The following TCERG1 variants were observed in gnomAD, a reference collection of about 807,000 sequenced individuals.
TCERG1 encodes the protein transcription elongation regulator 1.
A neutral mutation model predicts 144.7 loss-of-function variants in TCERG1; 37 were observed. The observed-to-expected ratio is 0.26, with a 90% confidence interval of 0.20 to 0.34. The LOEUF (loss-of-function observed/expected upper bound fraction) is 0.34, where lower values mean the gene tolerates loss of function less well. Ranked by LOEUF, TCERG1 falls within the 10% of genes least tolerant of loss-of-function variation. The pLI is 1.00. For missense variants in TCERG1, 1,027 were observed against 1,380.7 expected, an observed-to-expected ratio of 0.74 and a Z score of 4.06; for synonymous variants, 492 against 458.2, an observed-to-expected ratio of 1.07 and a Z score of -0.94.
chr5:146,484,023 T>C (rs1220003980), intron 15 of TCERG1, among the ~76,000 whole-genome samples: 1 of 152,162 alleles, frequency 6.6e-6, no homozygotes, highest in African/African-American at 2.4e-5. Context: ...CTAATAGATA[T>C]GACTACCGTT....
intron 16 of TCERG1, among the ~76,000 whole-genome samples, chr5:146,498,007 C>G (rs1352108342): frequency 2.0e-5 from 3 of 152,198 alleles, no homozygotes; most frequent in African/African-American, 7.2e-5. Context: ...TTTGCTTCCT[C>G]CAGTTCATTA....
intron 17 of TCERG1, 71 bp downstream of exon 17, chr5:146,498,757 G>A: frequency 6.8e-7 from 1 of 1,463,892 alleles, no homozygotes; most frequent in Non-Finnish European, 9.1e-7. Context: ...CTGGTGTTAT[G>A]TTTCTAACCT....
chr5:146,457,840 A>G (rs1762962069), intron 3 of TCERG1, among the ~76,000 whole-genome samples: 1 of 152,014 alleles, frequency 6.6e-6, no homozygotes, highest in Non-Finnish European at 1.5e-5. Flanking sequence ...GGAATTACCT[A>G]TTTTTGTTGT....
chr5:146,482,685 G>A lies in TCERG1; in HGVS notation c.2031G>A (p.Glu677=). The part of the protein sequence containing the change: ...AARERAIVPL[E]ARMKQFKDML... ...GAGAAAGGGCCATTGTCCCTCTGGA[G>A]GCTCGAATGAAGCAGTTCAAGGACA... is the stretch of plus-strand genomic sequence containing the variant. Residue 677 remains glutamate (E), a synonymous_variant, in exon 14 of 23, where the codon GAG becomes GAA. Coordinates refer to ENST00000679501, the MANE Select transcript of TCERG1 (RefSeq NM_001382548.1). 1 of 1,613,318 alleles carries A rather than the reference G, an allele frequency of 6.2e-7. No homozygotes were observed. Among genetic ancestry groups the A allele is most frequent in the Non-Finnish European group, 8.5e-7 (1 of 1,179,530 alleles).
chr5:146,457,270 C>T lies in TCERG1; in HGVS notation c.373C>T (p.Pro125Ser), dbSNP rs772195811. Residue 125 changes from proline (P) to serine (S), a missense_variant, in exon 3 of 23, where the codon CCT becomes TCT. Physicochemically the swap from Pro to Ser is moderately conservative, Grantham distance 74. Around this residue, in one of 6 missense-constraint regions of TCERG1, gnomAD observed 175 missense variants for 197.0 expected, o/e 0.89. Transcript: ENST00000679501. ...ACCAGGAATGCCTCCTGTGACTGCT[C>T]CTGGTACTCCAGCACTACCTCCTAC... ...FPPGMPPVTA[P>S]GTPALPPTEE... The T allele has an allele frequency of 6.2e-7, 1 of 1,614,004 alleles. No homozygotes were observed. The highest frequency in any genetic ancestry group is 8.5e-7 in the Non-Finnish European group (1 of 1,179,984).
intron 11 of TCERG1, 56 bp downstream of exon 11, chr5:146,479,967 T>G: frequency 1.2e-6 from 2 of 1,604,676 alleles, no homozygotes; most frequent in Non-Finnish European, 1.7e-6. Context: ...AAGCAAGTGT[T>G]CTGGTAGTGA....
chr5:146,459,168 T>TCAGGTCCAGGCC lies in TCERG1; in HGVS notation c.735_746dup (p.Val251_Gln254dup). On this transcript the variant is annotated inframe_insertion, in exon 4 of 23. Coordinates refer to ENST00000679501, the MANE Select transcript of TCERG1 (RefSeq NM_001382548.1). ...CACAAGCTCAGGCCCAGGCCCAGGC[T>TCAGGTCCAGGCC]CAGGTCCAGGCCCAGGTCCAGGCAC... The TCAGGTCCAGGCC allele has an allele frequency of 3.8e-5, 62 of 1,611,464 alleles. No individual in the cohort carries two copies. Among genetic ancestry groups the TCAGGTCCAGGCC allele is most frequent in the African/African-American group, 5.4e-5 (4 of 74,424 alleles).
Position 146,510,817 on chromosome 5 carries a change from T to G in TCERG1, c.*175T>G. The G allele has an allele frequency of 1.8e-6, 1 of 540,558 alleles. No homozygotes were observed. Among genetic ancestry groups the G allele is most frequent in the South Asian group, 3.8e-5 (1 of 26,454 alleles). The allele number at this position is 540,558 out of a possible 1,614,324, so 33.5% of individuals were successfully genotyped here. A position where few individuals can be genotyped will look rare whatever the true frequency, so the allele number is the denominator to read the frequency against. ...ACTTTGGAAATATTTATGCTTTTCT[T>G]TGTGTGGCATGACTGACATACATAC... On this transcript the variant is annotated 3_prime_UTR_variant, in exon 23 of 23. Transcript: ENST00000679501.
At chr5:146,488,024 T>A (rs1303836162) in intron 15 of TCERG1, among the ~76,000 whole-genome samples, 1 of 152,152 alleles carries the variant, frequency 6.6e-6, no homozygotes, top group Non-Finnish European at 1.5e-5. Flanking sequence ...CAATAAATGA[T>A]GCTGGGAAAA....
intron 15 of TCERG1, among the ~76,000 whole-genome samples, chr5:146,490,376 A>C (rs1266002724): frequency 6.6e-6 from 1 of 152,170 alleles, no homozygotes; most frequent in Non-Finnish European, 1.5e-5. Flanking sequence ...CCTACATAGT[A>C]AGTCTTTTCC....
intron 15 of TCERG1, among the ~76,000 whole-genome samples, chr5:146,487,067 G>A (rs1765906688): frequency 6.6e-6 from 1 of 150,464 alleles, no homozygotes; most frequent in Non-Finnish European, 1.5e-5. Context: ...TCCACCCTGG[G>A]TGACAGCAAG....
chr5:146,509,038 A>C, intron 21 of TCERG1, 107 bp from the exon 22 acceptor site: 1 of 516,954 alleles, frequency 1.9e-6, no homozygotes, highest in East Asian at 3.4e-5. Flanking sequence ...TGAATTTTAA[A>C]TTTTATTATG....
chr5:146,455,610 A>T (rs1762756124), intron 2 of TCERG1, among the ~76,000 whole-genome samples: 1 of 152,176 alleles, frequency 6.6e-6, no homozygotes, highest in Non-Finnish European at 1.5e-5. Context: ...GATATTTTTG[A>T]GTGGAGAAAA....
intron 1 of TCERG1, among the ~76,000 whole-genome samples, chr5:146,452,317 T>C (rs1053184997): frequency 2.6e-5 from 4 of 152,172 alleles, no homozygotes; most frequent in African/African-American, 9.7e-5. Context: ...TTATGTATAA[T>C]GTAGATGTAT....
chr5:146,495,393 C>T (rs372291637), intron 16 of TCERG1, among the ~76,000 whole-genome samples: 1 of 152,092 alleles, frequency 6.6e-6, no homozygotes, highest in East Asian at 1.9e-4. Context: ...AAATTATAAA[C>T]TGAAGGGCTT....
chr5:146,465,119 A>T (rs1404751678), intron 5 of TCERG1, among the ~76,000 whole-genome samples: 1 of 152,208 alleles, frequency 6.6e-6, no homozygotes, highest in African/African-American at 2.4e-5. Flanking sequence ...AAGCAGCTGG[A>T]TACTTTTCTC....
chr5:146,484,425 G>A (rs551505452), intron 15 of TCERG1, among the ~76,000 whole-genome samples: 136 of 152,234 alleles, frequency 8.9e-4, no homozygotes, highest in African/African-American at 3.1e-3. Context: ...CTATAGTGCT[G>A]TTAAGCTGTA....
intron 1 of TCERG1, 78 bp from the exon 2 acceptor site, chr5:146,454,978 A>T (rs1762703064): frequency 6.2e-6 from 9 of 1,453,978 alleles, no homozygotes; most frequent in Non-Finnish European, 1.9e-6. Context: ...TTTAAATTTG[A>T]TGGATGTAAT....
chr5:146,507,400 C>T lies in TCERG1; in HGVS notation c.2961+193C>T. 1 of 530,192 alleles carries T rather than the reference C, an allele frequency of 1.9e-6. No homozygotes were observed. Among genetic ancestry groups the T allele is most frequent in the South Asian group, 3.7e-5 (1 of 27,046 alleles). The allele number at this position is 530,192 out of a possible 1,614,324, so 32.8% of individuals were successfully genotyped here. A position where few individuals can be genotyped will look rare whatever the true frequency, so the allele number is the denominator to read the frequency against. On this transcript the variant is annotated intron_variant, in intron 20 of 22. Transcript: ENST00000679501. The surrounding 1 kb of genome is among the most constrained non-coding windows in gnomAD (Gnocchi z 4.6). Reference sequence around the variant, plus strand: ...AGAAATGCCTATTCTTTGCAGTTTTCACATTCATAACTGCTCCCATAGTAA... The same window carrying T: ...AGAAATGCCTATTCTTTGCAGTTTTTACATTCATAACTGCTCCCATAGTAA...
Sources: allele counts gnomAD v4.1 joint callset (sites outside exome capture counted in the v4.1 genomes callset), GRCh38; gene constraint gnomAD v4.1.1; regional missense constraint gnomAD v4.1.1; non-coding constraint Gnocchi (gnomAD v3.1); transcripts MANE v1.5; gene names NCBI Gene and HGNC (gene_info 2026-07-23, HGNC 2026-07-21).